Variants in TATDN1 observed in about 807,000 individuals in gnomAD.
TATDN1 encodes TatD DNase domain containing 1, also known as deoxyribonuclease TATDN1.
A neutral mutation model predicts 46.4 loss-of-function variants in TATDN1; 40 were observed. That is an observed-to-expected ratio of 0.86 (90% confidence interval 0.67 to 1.12). The LOEUF (loss-of-function observed/expected upper bound fraction) is 1.12. Among genes scored for constraint, TATDN1 ranks in the 50% most tolerant of loss-of-function variants. The pLI is 0.00. For missense variants in TATDN1, 326 were observed against 348.4 expected (o/e 0.94, Z 0.51); for synonymous variants, 95 against 105.6 (o/e 0.90, Z 0.62).
chr8:124,526,609 AAT>A (rs1820522435), intron 1 of TATDN1: 1 of 152,260 alleles, frequency 6.6e-6, no homozygotes. Flanking sequence ...ATAGATCAGT[AAT>A]GTTTCTTTTT....
intron 9 of TATDN1, among the ~76,000 whole-genome samples, chr8:124,502,943 G>A (rs1241396544): frequency 2.6e-5 from 4 of 152,138 alleles, no homozygotes; most frequent in East Asian, 1.9e-4. Flanking sequence ...GGTCAAGGCT[G>A]CAGAGTTGTG....
At chr8:124,529,255 C>T (rs1261802795) in intron 1 of TATDN1, among the ~76,000 whole-genome samples, 1 of 152,204 alleles carries the variant, frequency 6.6e-6, no homozygotes, top group African/African-American at 2.4e-5. Flanking sequence ...CTCTCATACT[C>T]CTAAATCCCG....
intron 1 of TATDN1, among the ~76,000 whole-genome samples, chr8:124,533,082 C>T (rs567288591): frequency 6.6e-6 from 1 of 152,192 alleles, no homozygotes; most frequent in East Asian, 1.9e-4. Flanking sequence ...AAAACCCCGT[C>T]TCTACTAAAA....
At chr8:124,507,148 G>A (rs928353125) in intron 8 of TATDN1, among the ~76,000 whole-genome samples, 9 of 150,664 alleles carry the variant, frequency 6.0e-5, no homozygotes, top group Non-Finnish European at 1.5e-5. Flanking sequence ...GTGACAGAGC[G>A]AGACTCCATC....
intron 6 of TATDN1, among the ~76,000 whole-genome samples, chr8:124,510,408 A>G (rs1818907352): frequency 6.6e-6 from 1 of 152,154 alleles, no homozygotes; most frequent in Admixed American, 6.5e-5. Flanking sequence ...TGTACTGGTT[A>G]TTTTTTCCAC....
chr8:124,538,404 A>G (rs1400320926), intron 1 of TATDN1: 2 of 153,722 alleles, frequency 1.3e-5, no homozygotes, highest in African/African-American at 4.8e-5. Context: ...AACGAGGATC[A>G]TGCCCATTTA....
intron 3 of TATDN1, among the ~76,000 whole-genome samples, chr8:124,520,166 G>A (rs1315807592): frequency 6.6e-6 from 1 of 152,260 alleles, no homozygotes; most frequent in Non-Finnish European, 1.5e-5. Flanking sequence ...GCAGGGCGCA[G>A]TGGCTCACGC....
chr8:124,534,223 C>T (rs2131577611), intron 1 of TATDN1, among the ~76,000 whole-genome samples: 1 of 148,884 alleles, frequency 6.7e-6, no homozygotes, highest in Non-Finnish European at 1.5e-5. Flanking sequence ...GGCCCACAAG[C>T]CACTGCCTAC....
At chr8:124,495,395 AG>A (rs1817377356) in intron 10 of TATDN1, 76 bp downstream of exon 10, 9 of 1,076,228 alleles carry the variant, frequency 8.4e-6, no homozygotes, top group Non-Finnish European at 1.2e-5. Context: ...TAAAGTTTGA[AG>A]TCAAATTTCT....
chr8:124,532,763 A>G (rs2131569328), intron 1 of TATDN1, among the ~76,000 whole-genome samples: 1 of 152,318 alleles, frequency 6.6e-6, no homozygotes, highest in East Asian at 1.9e-4. Flanking sequence ...CGTTGGGCAG[A>G]TCGGGCAGTT....
intron 6 of TATDN1, among the ~76,000 whole-genome samples, chr8:124,514,327 G>A (rs905598736): frequency 1.3e-5 from 2 of 152,070 alleles, no homozygotes; most frequent in Non-Finnish European, 2.9e-5. Flanking sequence ...ATCCCTTCAG[G>A]CCATCAAGTC....
chr8:124,515,825 T>C (rs1309619439), intron 5 of TATDN1, 37 bp from the exon 6 acceptor site: 2 of 1,613,530 alleles, frequency 1.2e-6, no homozygotes, highest in Non-Finnish European at 1.7e-6. Flanking sequence ...ACTCCTAACT[T>C]ATACAGAACA....
chr8:124,491,984 T>C (rs1342047178), intron 11 of TATDN1, among the ~76,000 whole-genome samples: 1 of 151,912 alleles, frequency 6.6e-6, no homozygotes, highest in African/African-American at 2.4e-5. Context: ...TCTTTTTTTT[T>C]TTTTTTTGAG....
intron 3 of TATDN1, among the ~76,000 whole-genome samples, chr8:124,520,434 T>C (rs1019058419): frequency 1.3e-4 from 19 of 146,104 alleles, no homozygotes; most frequent in African/African-American, 4.8e-4. Context: ...GAGACTCGCC[T>C]CCAGAAAAAA....
intron 4 of TATDN1, among the ~76,000 whole-genome samples, chr8:124,518,074 T>C (rs994015253): frequency 3.7e-4 from 56 of 151,474 alleles, no homozygotes; most frequent in Admixed American, 1.8e-3. Context: ...TAGCTGGGCA[T>C]GGTGGCAGGC....
intron 6 of TATDN1, among the ~76,000 whole-genome samples, chr8:124,511,292 C>A (rs1818985263): frequency 6.6e-6 from 1 of 152,120 alleles, no homozygotes; most frequent in African/African-American, 2.4e-5. Flanking sequence ...CAAGGCAAAT[C>A]CAAAAAGCCC....
intron 8 of TATDN1, among the ~76,000 whole-genome samples, chr8:124,507,028 G>A (rs1286201814): frequency 1.3e-5 from 2 of 152,058 alleles, no homozygotes; most frequent in African/African-American, 2.4e-5. Flanking sequence ...TGGACGTGGT[G>A]GTGTGCACCT....
intron 1 of TATDN1, among the ~76,000 whole-genome samples, chr8:124,532,730 A>C (rs72713098): frequency 0.092 from 13,968 of 152,302 alleles, 724 homozygotes; most frequent in East Asian, 0.16. Flanking sequence ...GGCAGGCCCA[A>C]GTGAGGGGAT....
intron 1 of TATDN1, among the ~76,000 whole-genome samples, chr8:124,525,018 G>A (rs1162348418): frequency 6.6e-6 from 1 of 152,148 alleles, no homozygotes; most frequent in Non-Finnish European, 1.5e-5. Flanking sequence ...AGAAATGCAG[G>A]AAGACTCCTT....
Sources: gnomAD v4.1 joint callset for allele counts (sites outside exome capture counted in the v4.1 genomes callset) on GRCh38, gnomAD v4.1.1 for gene constraint, MANE v1.5 for transcripts, NCBI Gene and HGNC (gene_info 2026-07-23, HGNC 2026-07-21) for gene names.